The following TMEM17 variants were observed in gnomAD, a reference collection of about 807,000 sequenced individuals.
The protein encoded by TMEM17 is transmembrane protein 17.
Under a neutral mutation model 19.1 loss-of-function variants are expected in TMEM17, and 15 were observed. The observed-to-expected ratio is 0.78, with a 90% CI of 0.52 to 1.21. The LOEUF (loss-of-function observed/expected upper bound fraction) is 1.21. Among genes scored for constraint, TMEM17 ranks in the 50% most tolerant of loss-of-function variants. TMEM17 has a pLI of 0.00. For synonymous variants in TMEM17, 103 were observed against 86.9 expected (o/e 1.19, Z -1.03); for missense variants, 245 against 242.3 (o/e 1.01, Z -0.07).
At chr2:62,495,240 G>A (rs1292364585), downstream of TMEM17, among the ~76,000 whole-genome samples, 3 of 152,132 alleles carry the variant, frequency 2.0e-5, no homozygotes, top group Non-Finnish European at 4.4e-5. Context: ...GCTGTCCTAC[G>A]ATTTGTATCT....
chr2:62,464,288 T>TG, the TMEM17 span, among the ~76,000 whole-genome samples: 3 of 152,242 alleles, frequency 2.0e-5, no homozygotes, highest in Non-Finnish European at 4.4e-5. Flanking sequence ...GTGGGGCTTT[T>TG]GGGGGTCACA....
Position 62,500,886 on chromosome 2 carries a change from T to TA in TMEM17, c.*322dup. On this transcript the variant is annotated 3_prime_UTR_variant, in exon 4 of 4. Transcript: ENST00000335390. Reference sequence around the variant, plus strand: ...TTAAAGAAATGTATACATCTCTAGTTAAAGATTCTAACCAGAAATGCTACG... The same window carrying TA: ...TTAAAGAAATGTATACATCTCTAGTTAAAAGATTCTAACCAGAAATGCTACG... The TA allele has an allele frequency of 4.6e-6, 1 of 216,338 alleles. No homozygotes were observed. 13.4% of individuals were successfully genotyped at this position (216,338 alleles called of 1,614,324 possible).
downstream of TMEM17, among the ~76,000 whole-genome samples, chr2:62,499,879 T>C (rs1679875119): frequency 2.6e-5 from 4 of 152,222 alleles, no homozygotes; most frequent in South Asian, 8.3e-4. Flanking sequence ...CAAGCAACTT[T>C]GTTCTTAACC....
chr2:62,466,650 G>A, the TMEM17 span, among the ~76,000 whole-genome samples: 2 of 152,210 alleles, frequency 1.3e-5, no homozygotes, highest in East Asian at 1.9e-4. Flanking sequence ...TTAGGAAGCA[G>A]CTTATTTGAG....
chr2:62,458,842 T>A, the TMEM17 span, among the ~76,000 whole-genome samples: 1 of 152,164 alleles, frequency 6.6e-6, no homozygotes, highest in Non-Finnish European at 1.5e-5. Context: ...GATGTGTTTG[T>A]CCTCTCTAAT....
chr2:62,490,328 A>G, the TMEM17 span, among the ~76,000 whole-genome samples: 3 of 152,146 alleles, frequency 2.0e-5, no homozygotes, highest in African/African-American at 7.2e-5. Flanking sequence ...CGGTGGCACA[A>G]TCCTGGCTGA....
the TMEM17 span, among the ~76,000 whole-genome samples, chr2:62,466,928 T>C: frequency 6.6e-6 from 1 of 152,174 alleles, no homozygotes; most frequent in Non-Finnish European, 1.5e-5. Context: ...TGGGGACTCC[T>C]TTTTCGAAAC....
downstream of TMEM17, among the ~76,000 whole-genome samples, chr2:62,495,986 C>T (rs1228029785): frequency 2.0e-5 from 3 of 152,208 alleles, no homozygotes; most frequent in South Asian, 2.1e-4. Context: ...TTGCTGACTG[C>T]GACCAGCTTG....
At chr2:62,503,255 G>A (rs1159641031) in intron 1 of TMEM17, among the ~76,000 whole-genome samples, 2 of 152,110 alleles carry the variant, frequency 1.3e-5, no homozygotes, top group South Asian at 2.1e-4. Flanking sequence ...TCTCTTTTCA[G>A]CATACCCTAA....
chr2:62,482,468 A>C, the TMEM17 span, among the ~76,000 whole-genome samples: 1 of 152,236 alleles, frequency 6.6e-6, no homozygotes, highest in African/African-American at 2.4e-5. Context: ...TCTGGAACCC[A>C]AAACCCCTTT....
At chr2:62,495,575 C>A (rs777015107), downstream of TMEM17, among the ~76,000 whole-genome samples, 1 of 152,152 alleles carries the variant, frequency 6.6e-6, no homozygotes, top group African/African-American at 2.4e-5. Context: ...TTATAAAATA[C>A]AGTAGTTCAG....
chr2:62,473,601 C>A, the TMEM17 span, among the ~76,000 whole-genome samples: 1 of 152,202 alleles, frequency 6.6e-6, no homozygotes, highest in African/African-American at 2.4e-5. Context: ...ATTGCAGCTT[C>A]CCCAGGCTTC....
the TMEM17 span, among the ~76,000 whole-genome samples, chr2:62,479,889 CAAAAAA>C: frequency 5.8e-5 from 4 of 68,896 alleles, no homozygotes; most frequent in South Asian, 6.2e-4. Flanking sequence ...AGACCTGTCT[CAAAAAA>C]AAAAAAAAAA....
At chr2:62,486,312 C>A in the TMEM17 span, among the ~76,000 whole-genome samples, 9,267 of 152,152 alleles carry the variant, frequency 0.061, 397 homozygotes, top group Middle Eastern at 0.088. Flanking sequence ...CTCTGATCCA[C>A]CTTTGGAATT....
intron 1 of TMEM17, among the ~76,000 whole-genome samples, chr2:62,504,919 A>G (rs1411700538): frequency 6.6e-6 from 1 of 152,224 alleles, no homozygotes; most frequent in African/African-American, 2.4e-5. Flanking sequence ...TACAAAGTCT[A>G]AAATATTTAC....
At chr2:62,476,238 A>G in the TMEM17 span, among the ~76,000 whole-genome samples, 1 of 152,206 alleles carries the variant, frequency 6.6e-6, no homozygotes, top group African/African-American at 2.4e-5. Context: ...GGCTCCCTGC[A>G]GGTTTGCTGT....
chr2:62,485,510 A>C, the TMEM17 span, among the ~76,000 whole-genome samples: 1 of 152,202 alleles, frequency 6.6e-6, no homozygotes, highest in Non-Finnish European at 1.5e-5. Context: ...TCTAATAATG[A>C]GTATATTTTC....
intron 1 of TMEM17, among the ~76,000 whole-genome samples, chr2:62,504,347 C>A (rs1338763057): frequency 6.6e-6 from 1 of 152,300 alleles, no homozygotes; most frequent in South Asian, 2.1e-4. Flanking sequence ...ATGGTAATGA[C>A]ATAAACTTGT....
Position 62,501,055 on chromosome 2 carries a change from A to C in TMEM17, c.*154T>G. 1 of 818,930 alleles carries C rather than the reference A, an allele frequency of 1.2e-6. No homozygotes were observed. Among genetic ancestry groups the C allele is most frequent in the Non-Finnish European group, 1.9e-6 (1 of 532,122 alleles). The allele number at this position is 818,930 out of a possible 1,614,324, so 50.7% of individuals were successfully genotyped here. On this transcript the variant is annotated 3_prime_UTR_variant, in exon 4 of 4. Coordinates refer to ENST00000335390, the MANE Select transcript of TMEM17 (RefSeq NM_198276.3). ...TAATATACTGTTTCATATACTGTAC[A>C]AAGTTTCATCATTGCCCCCAACCTT... is the stretch of plus-strand genomic sequence containing the variant.
Sources: gnomAD v4.1 joint callset for allele counts (sites outside exome capture counted in the v4.1 genomes callset) on GRCh38, gnomAD v4.1.1 for gene constraint, MANE v1.5 for transcripts, NCBI Gene and HGNC (gene_info 2026-07-23, HGNC 2026-07-21) for gene names.